DERL2: variants seen among roughly 807,000 people sequenced by gnomAD.
DERL2 encodes the protein derlin-2.
DERL2 carries 13 observed loss-of-function variants against 32.0 expected under a neutral mutation model. The observed-to-expected ratio is 0.41, with a 90% CI of 0.26 to 0.65. DERL2 has a LOEUF of 0.65. DERL2 is among the 30% of genes least tolerant of loss of function. The pLI, the probability that DERL2 is intolerant of heterozygous loss-of-function variation, is 0.35. For synonymous variants in DERL2, 111 were observed against 104.7 expected (o/e 1.06, Z -0.37); for missense variants, 208 against 296.3 (o/e 0.70, Z 2.19).
rs767977065 is a variant in DERL2, at chr17:5,481,275, G to A, written c.327+21C>T. On this transcript the variant is annotated intron_variant, in intron 4 of 6. Transcript: ENST00000158771. This position sits in a 1 kb window ranked among gnomAD's most constrained non-coding sequence, Gnocchi z 4.4. ...CCAGGGTGTTCTTCAACATTTTCCCGTGTTGTTTGTTGAAGGATACGGTCA... is the reference window on the plus strand; with the variant it reads ...CCAGGGTGTTCTTCAACATTTTCCCATGTTGTTTGTTGAAGGATACGGTCA... 20 of 1,556,140 alleles carry A rather than the reference G, an allele frequency of 1.3e-5. No individual in the cohort carries two copies. Among genetic ancestry groups the A allele is most frequent in the South Asian group, 3.3e-5 (3 of 89,866 alleles).
rs1443397649 is a variant in DERL2, at chr17:5,481,644, CCT to C, written c.234-257_234-256del. Reference sequence around the variant, plus strand: ...TGACACACAGACATGCTTTCAGTCCCCTATTCTTTTTTTTTTTTCTTTTGAGA... The same window carrying C: ...TGACACACAGACATGCTTTCAGTCCCATTCTTTTTTTTTTTTCTTTTGAGA... On this transcript the variant is annotated intron_variant, in intron 3 of 6. Coordinates refer to ENST00000158771, the MANE Select transcript of DERL2 (RefSeq NM_016041.5). The surrounding 1 kb of genome is among the most constrained non-coding windows in gnomAD (Gnocchi z 4.4). Among the ~76,000 whole-genome samples, 2 of 151,788 alleles carry C rather than the reference CCT, an allele frequency of 1.3e-5. No individual in the cohort carries two copies. Among genetic ancestry groups the C allele is most frequent in the African/African-American group, 4.8e-5 (2 of 41,340 alleles).
rs1172011032 is a variant in DERL2 at position 5,471,820 on chromosome 17, G to C, written c.*2864C>G. 6.6e-6 allele frequency: 1 copy of C among 152,140 alleles called. No homozygotes were observed. The highest frequency in any genetic ancestry group is 1.5e-5 in the Non-Finnish European group (1 of 68,030). The allele number at this position is 152,140 out of a possible 1,614,324, so 9.4% of individuals were successfully genotyped here. A position where few individuals can be genotyped will look rare whatever the true frequency, so the allele number is the denominator to read the frequency against. On this transcript the variant is annotated 3_prime_UTR_variant, in exon 7 of 7. Transcript: ENST00000158771. ...GGAACTCACCTGTCAAAGAAAAACAGCTACAACATAAAACACTGGCAGGAT... is the reference window on the plus strand; with the variant it reads ...GGAACTCACCTGTCAAAGAAAAACACCTACAACATAAAACACTGGCAGGAT...
chr17:5,480,852 T>C (rs565929051), intron 4 of DERL2: 28 of 455,346 alleles, frequency 6.1e-5, no homozygotes, highest in Non-Finnish European at 1.0e-4. Flanking sequence ...GTGTTAATTC[T>C]TCAGTCAATA....
At chr17:5,479,637 T>C (rs1232690498) in intron 6 of DERL2, among the ~76,000 whole-genome samples, 1 of 152,116 alleles carries the variant, frequency 6.6e-6, no homozygotes, top group East Asian at 1.9e-4. Context: ...TCCAAAGCTA[T>C]TTCCACTCTG....
chr17:5,475,615 G>A (rs970555914), intron 6 of DERL2, among the ~76,000 whole-genome samples: 4 of 151,852 alleles, frequency 2.6e-5, no homozygotes, highest in African/African-American at 7.3e-5. Flanking sequence ...GCGTGGTGGC[G>A]CATGCCTGTA....
At chr17:5,477,477 A>T (rs1451153696) in intron 6 of DERL2, among the ~76,000 whole-genome samples, 1 of 152,210 alleles carries the variant, frequency 6.6e-6, no homozygotes, top group Non-Finnish European at 1.5e-5. Flanking sequence ...AGATTTGTGT[A>T]TTTTGTTGCA....
chr17:5,474,555 T>G lies in DERL2; in HGVS notation c.*129A>C. The G allele has an allele frequency of 1.5e-6, 1 of 675,456 alleles. No homozygotes were observed. Among genetic ancestry groups the G allele is most frequent in the Non-Finnish European group, 2.5e-6 (1 of 394,040 alleles). 41.8% of individuals were successfully genotyped at this position (675,456 alleles called of 1,614,324 possible). On this transcript the variant is annotated 3_prime_UTR_variant, in exon 7 of 7. Transcript: ENST00000158771. The surrounding 1 kb of genome is among the most constrained non-coding windows in gnomAD (Gnocchi z 4.3). ...CTGGATTAGTCAGTGTACCATTTCATAAAGTGCTTCTGGAGTTAAAATCTG... is the reference window on the plus strand; with the variant it reads ...CTGGATTAGTCAGTGTACCATTTCAGAAAGTGCTTCTGGAGTTAAAATCTG...
At chr17:5,479,496 TAAAAAAAAA>T (rs11306765) in intron 6 of DERL2, among the ~76,000 whole-genome samples, 4,754 of 69,488 alleles carry the variant, frequency 0.068, 114 homozygotes, top group Middle Eastern at 0.11. Context: ...AGACTCCATG[TAAAAAAAAA>T]AAAAAAAAAA....
intron 6 of DERL2, among the ~76,000 whole-genome samples, chr17:5,476,762 C>G (rs149442646): frequency 3.9e-5 from 6 of 152,294 alleles, no homozygotes; most frequent in South Asian, 4.1e-4. Flanking sequence ...GCCTGGGTGA[C>G]AGAGCAAGAA....
upstream of DERL2, chr17:5,486,413 A>C (rs373213443): frequency 1.1e-4 from 48 of 429,704 alleles, no homozygotes; most frequent in East Asian, 1.8e-3. Flanking sequence ...AACGTCCGGG[A>C]AAAACGAGTA....
rs939512450 is a variant in DERL2, at chr17:5,473,721, G to A, written c.*963C>T. On this transcript the variant is annotated 3_prime_UTR_variant, in exon 7 of 7. Coordinates refer to ENST00000158771, the MANE Select transcript of DERL2 (RefSeq NM_016041.5). ...CATCCTAGCACTTTGGGAGGCTGAG[G>A]TGGGAGGATTGCTTGAGTCCAGGAG... The A allele has an allele frequency of 2.6e-5, 4 of 151,386 alleles. No individual in the cohort carries two copies. The highest frequency in any genetic ancestry group is 4.9e-5 in the African/African-American group (2 of 41,136). 9.4% of individuals were successfully genotyped at this position (151,386 alleles called of 1,614,324 possible).
chr17:5,479,517 A>G (rs1222408647), intron 6 of DERL2, among the ~76,000 whole-genome samples: 5 of 146,900 alleles, frequency 3.4e-5, no homozygotes, highest in Admixed American at 1.3e-4. Context: ...AAAAAAAAAA[A>G]AAAAAAAAAG....
rs1905762409 is a variant in DERL2, at chr17:5,481,280, G to T, written c.327+16C>A. On this transcript the variant is annotated intron_variant, in intron 4 of 6. Coordinates refer to ENST00000158771, the MANE Select transcript of DERL2 (RefSeq NM_016041.5). The surrounding 1 kb of genome is among the most constrained non-coding windows in gnomAD (Gnocchi z 4.4). ...GTGTTCTTCAACATTTTCCCGTGTT[G>T]TTTGTTGAAGGATACGGTCATTAAG... The T allele has an allele frequency of 4.4e-6, 7 of 1,584,158 alleles. No individual in the cohort carries two copies. The highest frequency in any genetic ancestry group is 2.7e-5 in the African/African-American group (2 of 74,362).
chr17:5,475,806 C>T (rs1014681553), intron 6 of DERL2, among the ~76,000 whole-genome samples: 60 of 152,174 alleles, frequency 3.9e-4, no homozygotes, highest in East Asian at 2.7e-3. Context: ...GAGGACTTTA[C>T]GCTAAATGAA....
intron 6 of DERL2, 23 bp downstream of exon 6, chr17:5,480,031 G>A: frequency 6.8e-7 from 1 of 1,463,892 alleles, no homozygotes; most frequent in South Asian, 1.1e-5. Flanking sequence ...GTAAGAGTAT[G>A]TAACCTGGTG....
rs1319810126 is a variant in DERL2, at chr17:5,473,081, A to T, written c.*1603T>A. 1 of 152,228 alleles carries T rather than the reference A, an allele frequency of 6.6e-6. No homozygotes were observed. The highest frequency in any genetic ancestry group is 1.9e-4 in the East Asian group (1 of 5,206). The allele number at this position is 152,228 out of a possible 1,614,324, so 9.4% of individuals were successfully genotyped here. A position where few individuals can be genotyped will look rare whatever the true frequency, so the allele number is the denominator to read the frequency against. ...CTTCAAAAACAATCTGAAAATTCCT[A>T]TTTAGGATGTCCATTATGTTTAAGC... is the stretch of plus-strand genomic sequence containing the variant. On this transcript the variant is annotated 3_prime_UTR_variant, in exon 7 of 7. Coordinates refer to ENST00000158771, the MANE Select transcript of DERL2 (RefSeq NM_016041.5).
Position 5,480,047 on chromosome 17 carries a change from T to C in DERL2, c.614+7A>G. ...TAAGAGTATGTAACCTGGTGTTAAA[T>C]ACTCACAAAATAGATGGTGTTTTCA... On this transcript the variant is annotated splice_region_variant and intron_variant, in intron 6 of 6. Transcript: ENST00000158771. 1.3e-6 allele frequency: 2 copies of C among 1,566,380 alleles called. No homozygotes were observed. The highest frequency in any genetic ancestry group is 1.8e-6 in the Non-Finnish European group (2 of 1,139,552).
intron 6 of DERL2, among the ~76,000 whole-genome samples, chr17:5,476,767 C>T: frequency 6.6e-6 from 1 of 152,132 alleles, no homozygotes; most frequent in Non-Finnish European, 1.5e-5. Flanking sequence ...GGTGACAGAG[C>T]AAGAATCCGT....
At chr17:5,485,716 CT>C (rs1441604150) in intron 1 of DERL2, 11 of 258,386 alleles carry the variant, frequency 4.3e-5, no homozygotes, top group Non-Finnish European at 7.3e-5. Flanking sequence ...TTCCCCATTC[CT>C]GTTTCTTCAC....
Sources: gnomAD v4.1 joint callset for allele counts (sites outside exome capture counted in the v4.1 genomes callset) on GRCh38, gnomAD v4.1.1 for gene constraint, Gnocchi (gnomAD v3.1) non-coding constraint, MANE v1.5 for transcripts, NCBI Gene and HGNC (gene_info 2026-07-23, HGNC 2026-07-21) for gene names.